Variants in CSGALNACT1 observed in about 807,000 individuals in gnomAD.
CSGALNACT1 encodes the protein chondroitin sulfate N-acetylgalactosaminyltransferase 1, also known as beta4GalNAcT-1.
A neutral mutation model predicts 51.0 loss-of-function variants in CSGALNACT1; 52 were observed. The ratio of observed to expected loss-of-function variants is 1.02; its 90% CI spans 0.82 to 1.29. The LOEUF is 1.29. CSGALNACT1 is among the 50% of genes most tolerant of loss of function. CSGALNACT1 has a pLI of 0.00. For synonymous variants in CSGALNACT1, 341 were observed against 254.4 expected, an observed-to-expected ratio of 1.34 and a Z score of -3.24; for missense variants, 935 against 679.2, an observed-to-expected ratio of 1.38 and a Z score of -4.19.
At chr8:19,618,443 C>G (rs9987387) in intron 1 of CSGALNACT1, among the ~76,000 whole-genome samples, 16,390 of 151,382 alleles carry the variant, frequency 0.11, 1,010 homozygotes, top group African/African-American at 0.17. Flanking sequence ...GAGTTCAAGA[C>G]CAGCCTAGCC....
rs797006443 is a variant in CSGALNACT1, at chr8:19,461,968, T to C, written c.635-3326A>G. ...ATCTGCACAGCAGCCGCATTCACCA[T>C]GGACAGGATAGCTGCACAGCAACGA... is the stretch of plus-strand genomic sequence containing the variant. On this transcript the variant is annotated intron_variant, in intron 4 of 9. Transcript: ENST00000454498. Among the ~76,000 whole-genome samples the C allele has an allele frequency of 2.6e-5, 4 of 152,048 alleles. 1 individual carries two copies. Among genetic ancestry groups the C allele is most frequent in the African/African-American group, 9.6e-5 (4 of 41,492 alleles).
intron 3 of CSGALNACT1, among the ~76,000 whole-genome samples, chr8:19,539,700 A>T (rs1254017026): frequency 1.3e-5 from 2 of 152,230 alleles, no homozygotes; most frequent in Non-Finnish European, 2.9e-5. Flanking sequence ...GATATGTGAC[A>T]CAGCAATATT....
chr8:19,717,229 T>C (rs1564465083), intron 1 of CSGALNACT1, among the ~76,000 whole-genome samples: 1 of 152,218 alleles, frequency 6.6e-6, no homozygotes, highest in Admixed American at 6.5e-5. Context: ...GTCTCCATCT[T>C]AGTGAAGCCA....
intron 5 of CSGALNACT1, 112 bp from the exon 5 acceptor site, chr8:19,440,043 C>G: frequency 1.2e-6 from 1 of 850,348 alleles, no homozygotes; most frequent in Non-Finnish European, 2.0e-6. Context: ...ACTAGGTAAA[C>G]TTCCAGGAGA....
chr8:19,661,095 T>C (rs936812684), intron 1 of CSGALNACT1, among the ~76,000 whole-genome samples: 2 of 148,404 alleles, frequency 1.3e-5, no homozygotes, highest in African/African-American at 5.1e-5. Flanking sequence ...TTTTTTTTTT[T>C]AGTAGAGACG....
intron 1 of CSGALNACT1, among the ~76,000 whole-genome samples, chr8:19,673,522 C>T (rs957511723): frequency 6.6e-6 from 1 of 152,214 alleles, no homozygotes; most frequent in Admixed American, 6.5e-5. Context: ...CCACTCTTGT[C>T]TGTCTTCAAG....
chr8:19,678,734 G>A lies in CSGALNACT1; in HGVS notation c.-544+3739C>T, dbSNP rs963300245. Reference sequence around the variant, plus strand: ...AGAAATTCCATACGTTTTGACCCACGAAGGGGAGAGCTTCAGCACATGAAA... The same window carrying A: ...AGAAATTCCATACGTTTTGACCCACAAAGGGGAGAGCTTCAGCACATGAAA... On this transcript the variant is annotated intron_variant, in intron 1 of 9. Transcript: ENST00000332246. The A allele has an allele frequency of 6.6e-5, 10 of 152,212 alleles. No individual in the cohort carries two copies. The East Asian group carries it at 1.9e-3, about 29-fold the overall frequency. 9.4% of individuals were successfully genotyped at this position (152,212 alleles called of 1,614,324 possible).
At chr8:19,436,830 G>A (rs2060460892) in intron 6 of CSGALNACT1, among the ~76,000 whole-genome samples, 1 of 152,160 alleles carries the variant, frequency 6.6e-6, no homozygotes, top group Non-Finnish European at 1.5e-5. Context: ...AAGACCATGT[G>A]AGCCCAGGAG....
intron 2 of CSGALNACT1, among the ~76,000 whole-genome samples, chr8:19,598,652 C>G (rs10888166): frequency 0.86 from 130,718 of 152,212 alleles, 56,284 homozygotes; most frequent in East Asian, 1. Context: ...GGCCTATAAG[C>G]TTATGTGTCT....
chr8:19,604,745 T>TA (rs36019022), upstream of CSGALNACT1, among the ~76,000 whole-genome samples: 17,741 of 130,202 alleles, frequency 0.14, 1,210 homozygotes, highest in East Asian at 0.18. Flanking sequence ...GTCTCTACTT[T>TA]AAAAAAAAAA....
intron 1 of CSGALNACT1, among the ~76,000 whole-genome samples, chr8:19,634,222 G>C (rs1412681605): frequency 1.3e-5 from 2 of 152,114 alleles, no homozygotes; most frequent in Admixed American, 6.5e-5. Context: ...TGTTGCTATG[G>C]ACTGGATTAT....
intron 3 of CSGALNACT1, among the ~76,000 whole-genome samples, chr8:19,513,271 G>GAGGACAGCAA (rs1204415065): frequency 6.6e-6 from 1 of 151,882 alleles, no homozygotes; most frequent in Admixed American, 6.6e-5. Flanking sequence ...TGGGAGAAAA[G>GAGGACAGCAA]AGGACAGCAA....
chr8:19,754,272 C>T (rs1341559102), intron 1 of CSGALNACT1, among the ~76,000 whole-genome samples: 1 of 152,112 alleles, frequency 6.6e-6, no homozygotes, highest in Non-Finnish European at 1.5e-5. Flanking sequence ...AAGGTATCTG[C>T]CTGCCTCAGC....
chr8:19,507,038 G>T (rs2077466397), intron 3 of CSGALNACT1, among the ~76,000 whole-genome samples: 1 of 152,198 alleles, frequency 6.6e-6, no homozygotes, highest in South Asian at 2.1e-4. Context: ...ACATGGTTCT[G>T]AGCTTTCTGA....
intron 6 of CSGALNACT1, among the ~76,000 whole-genome samples, chr8:19,431,111 C>T (rs1411645667): frequency 6.6e-6 from 1 of 152,038 alleles, no homozygotes; most frequent in Non-Finnish European, 1.5e-5. Context: ...AAGATTATAT[C>T]ATCTGTGAAT....
intron 3 of CSGALNACT1, among the ~76,000 whole-genome samples, chr8:19,519,821 T>A (rs1038040861): frequency 2.0e-5 from 3 of 152,150 alleles, no homozygotes; most frequent in Admixed American, 1.3e-4. Context: ...CCACCCACAA[T>A]CCTTGGCACC....
chr8:19,444,582 C>T (rs1173568991), intron 5 of CSGALNACT1, among the ~76,000 whole-genome samples: 1 of 152,182 alleles, frequency 6.6e-6, no homozygotes, highest in African/African-American at 2.4e-5. Flanking sequence ...CTTACCCTAA[C>T]CCCCAAGCAA....
intron 1 of CSGALNACT1, among the ~76,000 whole-genome samples, chr8:19,675,985 T>G (rs1257997189): frequency 1.3e-5 from 2 of 150,984 alleles, no homozygotes; most frequent in Non-Finnish European, 2.9e-5. Flanking sequence ...AGCCAGGGCT[T>G]TAAAAATCTC....
chr8:19,755,183 G>A (rs374859526), intron 1 of CSGALNACT1, among the ~76,000 whole-genome samples: 2 of 152,100 alleles, frequency 1.3e-5, no homozygotes, highest in Admixed American at 6.6e-5. Context: ...ATTAAGAACA[G>A]AGCTAGAGCA....
Sources: gnomAD v4.1 joint callset for allele counts (sites outside exome capture counted in the v4.1 genomes callset) on GRCh38, gnomAD v4.1.1 for gene constraint, MANE v1.5 for transcripts, NCBI Gene and HGNC (gene_info 2026-07-23, HGNC 2026-07-21) for gene names.